Variants in HIGD1C observed in about 807,000 individuals in gnomAD.
HIGD1C encodes the protein HIG1 hypoxia inducible domain family member 1C.
HIGD1C carries 11 observed loss-of-function variants against 13.1 expected under a neutral mutation model. The observed-to-expected ratio is 0.84, with a 90% confidence interval of 0.53 to 1.39. The LOEUF (loss-of-function observed/expected upper bound fraction) is 1.39, where lower values mean the gene tolerates loss of function less well. HIGD1C is among the 40% of genes most tolerant of loss of function. The pLI is 0.00. For missense variants in HIGD1C, 110 were observed against 112.0 expected (o/e 0.98, Z 0.08); for synonymous variants, 36 against 37.7 (o/e 0.95, Z 0.17).
upstream of HIGD1C, among the ~76,000 whole-genome samples, chr12:50,952,685 G>A (rs148315272): frequency 2.1e-3 from 321 of 152,308 alleles, 3 homozygotes; most frequent in Middle Eastern, 0.014. Context: ...AGGCTTTGCA[G>A]GAGGCGCACC....
chr12:50,957,754 A>C (rs919305558), intron 1 of HIGD1C, among the ~76,000 whole-genome samples: 1 of 151,796 alleles, frequency 6.6e-6, no homozygotes, highest in African/African-American at 2.4e-5. Context: ...GTGTGGTGGC[A>C]TGCACCTGTA....
At chr12:50,951,298 G>A (rs1329749626), upstream of HIGD1C, among the ~76,000 whole-genome samples, 1 of 152,156 alleles carries the variant, frequency 6.6e-6, no homozygotes, top group Non-Finnish European at 1.5e-5. Context: ...CGTGATGACA[G>A]ACTCTATTTA....
At chr12:50,949,083 TA>T (rs1249347129), upstream of HIGD1C, 1 of 151,490 alleles carries the variant, frequency 6.6e-6, no homozygotes, top group African/African-American at 2.4e-5. Context: ...TATGCAGCTA[TA>T]AAACAGAATG....
the HIGD1C span, among the ~76,000 whole-genome samples, chr12:50,936,601 A>G: frequency 6.6e-6 from 1 of 152,208 alleles, no homozygotes; most frequent in Non-Finnish European, 1.5e-5. Flanking sequence ...ACTACACTGT[A>G]TAGCTTCCCA....
downstream of HIGD1C, among the ~76,000 whole-genome samples, chr12:50,970,854 C>T (rs917577789): frequency 3.3e-5 from 5 of 151,254 alleles, no homozygotes; most frequent in Admixed American, 3.3e-4. Context: ...ATAATGGTTA[C>T]AGAAGACTTC....
chr12:50,953,838 A>G, upstream of HIGD1C: 2 of 539,030 alleles, frequency 3.7e-6, no homozygotes, highest in Non-Finnish European at 6.6e-6. Flanking sequence ...GGTAGTGAAA[A>G]GTGTGAAGGA....
At chr12:50,966,902 G>A (rs137903549) in intron 2 of HIGD1C, among the ~76,000 whole-genome samples, 147 of 152,186 alleles carry the variant, frequency 9.7e-4, no homozygotes, top group African/African-American at 3.4e-3. Context: ...GATCATTTGA[G>A]GTCAGGAGTT....
intron 1 of HIGD1C, among the ~76,000 whole-genome samples, chr12:50,955,772 TA>T (rs899092355): frequency 6.6e-5 from 10 of 152,012 alleles, no homozygotes; most frequent in African/African-American, 1.7e-4. Context: ...CATTTTTAGT[TA>T]AAAAAAATTC....
chr12:50,937,107 A>G, the HIGD1C span, among the ~76,000 whole-genome samples: 8 of 152,382 alleles, frequency 5.2e-5, 1 homozygote, highest in Admixed American at 5.2e-4. Flanking sequence ...TTAAATCATC[A>G]TAAGTACTGC....
intron 2 of HIGD1C, among the ~76,000 whole-genome samples, chr12:50,965,912 T>A (rs1312058005): frequency 6.6e-6 from 1 of 152,162 alleles, no homozygotes; most frequent in Non-Finnish European, 1.5e-5. Flanking sequence ...AATGACTCAA[T>A]TCTAGGAATT....
At chr12:50,949,280 G>A (rs898937655), upstream of HIGD1C, 1 of 153,998 alleles carries the variant, frequency 6.5e-6, no homozygotes, top group African/African-American at 2.4e-5. Flanking sequence ...TGGCTTTCAG[G>A]AAATTTGCCT....
At chr12:50,947,383 A>G in the HIGD1C span, among the ~76,000 whole-genome samples, 1 of 152,138 alleles carries the variant, frequency 6.6e-6, no homozygotes, top group Non-Finnish European at 1.5e-5. Flanking sequence ...CTGGGGGAGA[A>G]TCTATTTCCT....
chr12:50,937,120 G>A, the HIGD1C span, among the ~76,000 whole-genome samples: 1 of 152,202 alleles, frequency 6.6e-6, no homozygotes, highest in South Asian at 2.1e-4. Flanking sequence ...AGTACTGCCT[G>A]TTCTTCTGAC....
chr12:50,948,872 AGGGGAG>A, the HIGD1C span, among the ~76,000 whole-genome samples: 2 of 14,850 alleles, frequency 1.3e-4, no homozygotes, highest in African/African-American at 4.1e-4. Flanking sequence ...AGGAGGGGGG[AGGGGAG>A]GGGGAGGGGA....
chr12:50,953,218 G>C (rs1938962886), upstream of HIGD1C, among the ~76,000 whole-genome samples: 1 of 152,170 alleles, frequency 6.6e-6, no homozygotes, highest in Non-Finnish European at 1.5e-5. Flanking sequence ...CTTGCTGAAG[G>C]AACAACAGGA....
chr12:50,932,295 A>T, the HIGD1C span: 1 of 152,246 alleles, frequency 6.6e-6, no homozygotes, highest in Non-Finnish European at 1.5e-5. Context: ...CTGTTGGAAG[A>T]TGATTTCTTT....
At chr12:50,943,463 C>T in the HIGD1C span, among the ~76,000 whole-genome samples, 34 of 152,234 alleles carry the variant, frequency 2.2e-4, no homozygotes, top group Admixed American at 1.4e-3. Flanking sequence ...GTAATCCCAG[C>T]ACTTTGGGAG....
intron 1 of HIGD1C, among the ~76,000 whole-genome samples, chr12:50,956,541 C>T (rs1189724619): frequency 1.3e-5 from 2 of 152,166 alleles, no homozygotes; most frequent in Non-Finnish European, 2.9e-5. Context: ...AAGCAACTTC[C>T]ATCATTATAA....
At chr12:50,960,043 GTTCT>G (rs767705134) in intron 1 of HIGD1C, among the ~76,000 whole-genome samples, 8 of 152,130 alleles carry the variant, frequency 5.3e-5, no homozygotes, top group Non-Finnish European at 8.8e-5. Flanking sequence ...TAGTTGATGA[GTTCT>G]TTGTTTCAGA....
Sources: allele counts gnomAD v4.1 joint callset (sites outside exome capture counted in the v4.1 genomes callset), GRCh38; gene constraint gnomAD v4.1.1; transcripts MANE v1.5; gene names NCBI Gene and HGNC (gene_info 2026-07-23, HGNC 2026-07-21).